The following PDE1A variants were observed in gnomAD, a reference collection of about 807,000 sequenced individuals.
PDE1A encodes the protein dual specificity calcium/calmodulin-dependent 3',5'-cyclic nucleotide phosphodiesterase 1A.
In PDE1A, 35 loss-of-function variants were observed where a neutral mutation model predicts 61.7. The observed-to-expected ratio is 0.57, with a 90% CI of 0.43 to 0.75. The LOEUF is 0.75. Among genes scored for constraint, PDE1A ranks in the 30% least tolerant of loss-of-function variants. The probability of loss-of-function intolerance (pLI) is 0.00; values close to 1 mark genes in which losing one functional copy is unlikely to be tolerated. For synonymous variants in PDE1A, 232 were observed against 213.2 expected (o/e 1.09, Z -0.77); for missense variants, 597 against 630.6 (o/e 0.95, Z 0.57).
upstream of PDE1A, among the ~76,000 whole-genome samples, chr2:182,427,783 C>T (rs1703706554): frequency 6.6e-6 from 1 of 152,094 alleles, no homozygotes; most frequent in East Asian, 1.9e-4. Flanking sequence ...ATCTGAATCA[C>T]TAACAAAGTT....
the PDE1A span, among the ~76,000 whole-genome samples, chr2:182,573,443 G>C: frequency 2.1e-4 from 32 of 152,120 alleles, no homozygotes; most frequent in African/African-American, 7.5e-4. Context: ...AGCTATACTA[G>C]TCTCTTCAAA....
chr2:182,425,413 A>G (rs1244738029), intron 1 of PDE1A, among the ~76,000 whole-genome samples: 1 of 152,226 alleles, frequency 6.6e-6, no homozygotes, highest in East Asian at 1.9e-4. Context: ...TACCAACATC[A>G]TTGCATAAGA....
At chr2:182,489,092 C>T (rs538746930) in intron 2 of PDE1A, among the ~76,000 whole-genome samples, 27 of 152,214 alleles carry the variant, frequency 1.8e-4, no homozygotes, top group African/African-American at 6.5e-4. Context: ...TCAAAGAGAG[C>T]TTTTCTGAGA....
chr2:182,238,266 C>CAAA (rs3063250), intron 3 of PDE1A, among the ~76,000 whole-genome samples: 22,773 of 97,748 alleles, frequency 0.23, 2,885 homozygotes, highest in East Asian at 0.36. Context: ...CAGACTACGT[C>CAAA]AAAAAAAAAA....
At chr2:182,283,082 C>T (rs1332454399) in intron 1 of PDE1A, among the ~76,000 whole-genome samples, 1 of 151,860 alleles carries the variant, frequency 6.6e-6, no homozygotes, top group East Asian at 1.9e-4. Context: ...TACTAATAAG[C>T]AATAGGAAAG....
At chr2:182,290,023 T>C (rs1694420104) in intron 1 of PDE1A, among the ~76,000 whole-genome samples, 1 of 142,412 alleles carries the variant, frequency 7.0e-6, no homozygotes, top group South Asian at 2.3e-4. Flanking sequence ...TCAATTTTGC[T>C]AGAAAAAAAT....
At chr2:182,586,763 C>G in the PDE1A span, among the ~76,000 whole-genome samples, 55 of 152,268 alleles carry the variant, frequency 3.6e-4, no homozygotes, top group African/African-American at 1.3e-3. Context: ...ATGAAAATCA[C>G]TATTTTACAC....
intron 13 of PDE1A, among the ~76,000 whole-genome samples, chr2:182,150,531 CTTGT>C (rs1690722927): frequency 6.6e-6 from 1 of 152,152 alleles, no homozygotes; most frequent in South Asian, 2.1e-4. Flanking sequence ...TGCATATAAA[CTTGT>C]TTGTCAGCCA....
At chr2:182,653,474 C>G in the PDE1A span, among the ~76,000 whole-genome samples, 3 of 152,130 alleles carry the variant, frequency 2.0e-5, no homozygotes, top group Non-Finnish European at 4.4e-5. Context: ...GCTTACTCAC[C>G]TCTTTCTCTA....
intron 2 of PDE1A, among the ~76,000 whole-genome samples, chr2:182,516,777 G>GAA: frequency 1.7e-5 from 2 of 115,084 alleles, no homozygotes; most frequent in Non-Finnish European, 3.5e-5. Flanking sequence ...AAGAAAGAAA[G>GAA]AAAGAAAAAG....
intron 13 of PDE1A, among the ~76,000 whole-genome samples, chr2:182,153,091 T>C (rs982593529): frequency 6.6e-6 from 1 of 152,202 alleles, no homozygotes; most frequent in Admixed American, 6.5e-5. Flanking sequence ...TAGAGAGTTT[T>C]ACAGGTGATC....
intron 13 of PDE1A, among the ~76,000 whole-genome samples, chr2:182,174,887 C>T (rs1219047433): frequency 6.6e-6 from 1 of 152,090 alleles, no homozygotes; most frequent in Non-Finnish European, 1.5e-5. Context: ...AATGCTATTC[C>T]TCCCCTAGCT....
rs185491384 is a variant in PDE1A at position 182,154,535 on chromosome 2, G to C, written c.1517-7383C>G. Among the ~76,000 whole-genome samples, 153 of 152,258 alleles carry C rather than the reference G, an allele frequency of 1.0e-3. 1 individual carries two copies. Among genetic ancestry groups the C allele is most frequent in the Admixed American group, 3.5e-3 (53 of 15,292 alleles). Reference sequence around the variant, plus strand: ...TGAAGATAATTGAATCATGGGGGCAGTTTCCCCATACTGTTCTCACGGTAG... The same window carrying C: ...TGAAGATAATTGAATCATGGGGGCACTTTCCCCATACTGTTCTCACGGTAG... On this transcript the variant is annotated intron_variant, in intron 13 of 13. Coordinates refer to the PDE1A transcript ENST00000409365.
the PDE1A span, among the ~76,000 whole-genome samples, chr2:182,657,118 G>A: frequency 6.6e-5 from 10 of 152,238 alleles, no homozygotes; most frequent in Non-Finnish European, 8.8e-5. Context: ...AGCTACTTGC[G>A]AGGCTGAGGC....
At chr2:182,169,849 T>A (rs1235413184) in intron 13 of PDE1A, among the ~76,000 whole-genome samples, 1 of 150,908 alleles carries the variant, frequency 6.6e-6, no homozygotes, top group Admixed American at 6.6e-5. Flanking sequence ...CCCTCTACCT[T>A]CCTTCTTACT....
At chr2:182,351,707 T>C (rs1442692589) in intron 1 of PDE1A, among the ~76,000 whole-genome samples, 1 of 152,194 alleles carries the variant, frequency 6.6e-6, no homozygotes, top group Admixed American at 6.5e-5. Context: ...CAATCTGTAC[T>C]CACTTCTGAA....
chr2:182,532,909 G>A, the PDE1A span, among the ~76,000 whole-genome samples: 1 of 113,482 alleles, frequency 8.8e-6, no homozygotes. Flanking sequence ...TCACGCCACT[G>A]CACTCCAGCC....
chr2:182,552,612 C>A, the PDE1A span, among the ~76,000 whole-genome samples: 2 of 151,954 alleles, frequency 1.3e-5, no homozygotes. Flanking sequence ...CCTTTAAACA[C>A]GGGGCTTGCA....
chr2:182,198,392 T>A lies in PDE1A; in HGVS notation c.1125+3047A>T, dbSNP rs1015250393. Among the ~76,000 whole-genome samples, 5 of 152,010 alleles carry A rather than the reference T, an allele frequency of 3.3e-5. No individual in the cohort carries two copies. In the East Asian group the frequency reaches 9.6e-4, roughly 29 times the overall value. On this transcript the variant is annotated intron_variant, in intron 10 of 13. Coordinates refer to ENST00000351439, the Ensembl canonical transcript of PDE1A. ...TTCCTACACTGGCTAGAACTTCAAA[T>A]GCAATGTTGAATAGAAGTGGTAAGA... is the stretch of plus-strand genomic sequence containing the variant.
Sources: gnomAD v4.1 joint callset for allele counts (sites outside exome capture counted in the v4.1 genomes callset) on GRCh38, gnomAD v4.1.1 for gene constraint, MANE v1.5 for transcripts, NCBI Gene and HGNC (gene_info 2026-07-23, HGNC 2026-07-21) for gene names.